Variants in CNTN4 observed in about 807,000 individuals in gnomAD.
The protein encoded by CNTN4 is contactin-4.
A neutral mutation model predicts 122.5 loss-of-function variants in CNTN4; 77 were observed. The observed-to-expected ratio is 0.63, with a 90% CI of 0.52 to 0.76. CNTN4 has a LOEUF of 0.76. CNTN4 is among the 30% of genes least tolerant of loss of function. CNTN4 has a pLI of 0.00. For missense variants in CNTN4, 1,256 were observed against 1,259.1 expected (o/e 1.00, Z 0.04); for synonymous variants, 512 against 447.0 (o/e 1.15, Z -1.83).
intron 3 of CNTN4, among the ~76,000 whole-genome samples, chr3:2,493,683 G>A (rs527550749): frequency 2.6e-5 from 4 of 151,854 alleles, no homozygotes; most frequent in African/African-American, 7.2e-5. Flanking sequence ...TTTATTTTGG[G>A]CAACCATGTG....
intron 2 of CNTN4, among the ~76,000 whole-genome samples, chr3:2,132,767 G>A (rs552626882): frequency 5.3e-5 from 8 of 152,226 alleles, no homozygotes; most frequent in Non-Finnish European, 1.0e-4. Flanking sequence ...CTGTCATAAA[G>A]TCTCTTATTT....
rs200961708 is a variant in CNTN4 at position 2,552,559 on chromosome 3, AATTGGC to A, written c.-88-18853_-88-18848del. Among the ~76,000 whole-genome samples, 1,308 of 152,260 alleles carry A rather than the reference AATTGGC, an allele frequency of 8.6e-3. 26 individuals are homozygous for A. The highest frequency in any genetic ancestry group is 0.038 in the East Asian group (197 of 5,176). ...ATTAAGGAATTAATATGCAATTATAAATTGGCATTTGACAAGTAGCACTGGAAAGGC... is the reference window on the plus strand; with the variant it reads ...ATTAAGGAATTAATATGCAATTATAAATTTGACAAGTAGCACTGGAAAGGC... On this transcript the variant is annotated intron_variant, in intron 3 of 24. Coordinates refer to ENST00000418658, the MANE Select transcript of CNTN4 (RefSeq NM_175607.3).
intron 2 of CNTN4, among the ~76,000 whole-genome samples, chr3:2,203,132 C>G (rs574697676): frequency 2.0e-5 from 3 of 152,010 alleles, no homozygotes; most frequent in African/African-American, 7.3e-5. Context: ...CTCTGCCTGG[C>G]CACAATTACA....
chr3:2,377,771 G>GTTT (rs368049000), intron 3 of CNTN4, among the ~76,000 whole-genome samples: 42,592 of 143,760 alleles, frequency 0.3, 6,166 homozygotes, highest in Middle Eastern at 0.41. Flanking sequence ...ATTTTTTTGT[G>GTTT]ATTATTTTTT....
intron 10 of CNTN4, among the ~76,000 whole-genome samples, chr3:2,897,211 AAG>A (rs1240882790): frequency 6.6e-6 from 1 of 152,190 alleles, no homozygotes; most frequent in Non-Finnish European, 1.5e-5. Flanking sequence ...GATTGAAATG[AAG>A]AGATTGTTTA....
At chr3:2,427,448 A>G (rs1440689520) in intron 3 of CNTN4, among the ~76,000 whole-genome samples, 2 of 152,100 alleles carry the variant, frequency 1.3e-5, no homozygotes, top group Non-Finnish European at 2.9e-5. Flanking sequence ...AGTTTGTTAT[A>G]CTTCCTGTTC....
intron 4 of CNTN4, among the ~76,000 whole-genome samples, chr3:2,612,822 A>G (rs2081557142): frequency 1.3e-5 from 2 of 152,156 alleles, no homozygotes; most frequent in African/African-American, 4.8e-5. Flanking sequence ...ACTTAAAATG[A>G]AAGGAAATAG....
At chr3:2,595,897 A>C (rs1293977159) in intron 4 of CNTN4, among the ~76,000 whole-genome samples, 1 of 152,204 alleles carries the variant, frequency 6.6e-6, no homozygotes, top group Non-Finnish European at 1.5e-5. Flanking sequence ...TGGAAACCTC[A>C]CTGTAATCGC....
chr3:2,394,453 C>A (rs1356446035), intron 3 of CNTN4, among the ~76,000 whole-genome samples: 4 of 152,056 alleles, frequency 2.6e-5, no homozygotes, highest in Admixed American at 2.6e-4. Flanking sequence ...TACCACATAC[C>A]AATGTACACA....
In CNTN4 at chr3:2,584,164, A is replaced by G. The variant is rs576577656; in HGVS notation, c.55+12606A>G. Among the ~76,000 whole-genome samples the G allele has an allele frequency of 1.8e-3, 269 of 152,304 alleles. 1 individual carries two copies. Among genetic ancestry groups the G allele is most frequent in the African/African-American group, 5.2e-3 (218 of 41,566 alleles). On this transcript the variant is annotated intron_variant, in intron 4 of 24. Coordinates refer to ENST00000418658, the MANE Select transcript of CNTN4 (RefSeq NM_175607.3). ...AGTCATTTATTAATAACAAAAGGCC[A>G]TGGCCTCCTCTCTTTATCGCTGAGC...
intron 12 of CNTN4, among the ~76,000 whole-genome samples, chr3:2,922,705 C>T (rs575159246): frequency 4.6e-5 from 7 of 150,782 alleles, no homozygotes; most frequent in African/African-American, 1.7e-4. Flanking sequence ...CTCCACCTCC[C>T]AGGTTAAAGC....
At chr3:2,646,932 T>A (rs1265586878) in intron 4 of CNTN4, among the ~76,000 whole-genome samples, 2 of 152,196 alleles carry the variant, frequency 1.3e-5, no homozygotes. Context: ...AGTCACATTC[T>A]AAGGTACCAG....
At chr3:2,726,942 C>G (rs1415805525) in intron 4 of CNTN4, among the ~76,000 whole-genome samples, 1 of 152,082 alleles carries the variant, frequency 6.6e-6, no homozygotes, top group Admixed American at 6.5e-5. Flanking sequence ...GGCAAACTCT[C>G]TGTGCTCTGC....
rs75518681 is a variant in CNTN4 at position 2,414,407 on chromosome 3, G to A, written c.-89+75174G>A. ...AAGTACAGTGAAATTTTTTAAAAAT[G>A]CCATTTTAAAAGAATATGACAACAA... On this transcript the variant is annotated intron_variant, in intron 3 of 24. Transcript: ENST00000418658. 8.2e-3 allele frequency among the ~76,000 whole-genome samples: 1,242 copies of A among 152,156 alleles called. 18 individuals carry two copies. The highest frequency in any genetic ancestry group is 0.057 in the South Asian group (276 of 4,818).
intron 2 of CNTN4, among the ~76,000 whole-genome samples, chr3:2,172,231 AC>A (rs1198469403): frequency 2.0e-5 from 3 of 152,230 alleles, no homozygotes; most frequent in African/African-American, 4.8e-5. Flanking sequence ...ATAAAAAAAA[AC>A]GAAATAATGT....
At chr3:2,445,513 A>G (rs2221294) in intron 3 of CNTN4, among the ~76,000 whole-genome samples, 97,865 of 151,992 alleles carry the variant, frequency 0.64, 31,825 homozygotes, top group East Asian at 0.81. Flanking sequence ...TTGCCGCTTG[A>G]AAAACATTTT....
In CNTN4 at chr3:2,924,209, G is replaced by T. The variant is rs77684157; in HGVS notation, c.1208-1420G>T. 1.2e-4 allele frequency among the ~76,000 whole-genome samples: 19 copies of T among 152,170 alleles called. No homozygotes were observed. The East Asian group carries it at 3.3e-3, about 26-fold the overall frequency. ...TACCGAAAGTATTTCCACAACAAAA[G>T]AATGTAATCAAGATTTGACTTGCTT... On this transcript the variant is annotated intron_variant, in intron 12 of 24. Transcript: ENST00000418658.
At chr3:2,453,256 A>G (rs952234708) in intron 3 of CNTN4, among the ~76,000 whole-genome samples, 14 of 152,140 alleles carry the variant, frequency 9.2e-5, no homozygotes, top group Non-Finnish European at 1.8e-4. Flanking sequence ...AAATGTCTGG[A>G]ATGTTCCCAG....
chr3:2,568,319 A>AG (rs1200015088), intron 3 of CNTN4, among the ~76,000 whole-genome samples: 19 of 132,920 alleles, frequency 1.4e-4, no homozygotes, highest in East Asian at 9.8e-4. Context: ...AAGAATGTGA[A>AG]AAAAAAAAAA....
Sources: allele counts gnomAD v4.1 joint callset (sites outside exome capture counted in the v4.1 genomes callset), GRCh38; gene constraint gnomAD v4.1.1; transcripts MANE v1.5; gene names NCBI Gene and HGNC (gene_info 2026-07-23, HGNC 2026-07-21).